CLUL1: variants seen among roughly 807,000 people sequenced by gnomAD.
CLUL1 encodes clusterin-like protein 1.
CLUL1 carries 43 observed loss-of-function variants against 49.4 expected under a neutral mutation model. The observed-to-expected ratio is 0.87, with a 90% CI of 0.68 to 1.12. The LOEUF is 1.12. Among genes scored for constraint, CLUL1 ranks in the 50% most tolerant of loss-of-function variants. CLUL1 has a pLI of 0.00. For missense variants in CLUL1, 486 were observed against 544.4 expected, an observed-to-expected ratio of 0.89 and a Z score of 1.07; for synonymous variants, 192 against 184.9, an observed-to-expected ratio of 1.04 and a Z score of -0.31.
intron 2 of CLUL1, chr18:616,776 A>G (rs1419061157): frequency 4.8e-6 from 4 of 831,144 alleles, no homozygotes; most frequent in Admixed American, 6.2e-5. Flanking sequence ...TAAATACACT[A>G]TATTAATAAG....
At chr18:625,555 ACACACC>A (rs1182576326) in intron 5 of CLUL1, among the ~76,000 whole-genome samples, 1 of 110,788 alleles carries the variant, frequency 9.0e-6, no homozygotes, top group East Asian at 3.0e-4. Context: ...ACACACACAC[ACACACC>A]CCTTCATGTC....
At chr18:646,497 GACACACACACACACACAC>G (rs56076402) in intron 9 of CLUL1, among the ~76,000 whole-genome samples, 5 of 141,274 alleles carry the variant, frequency 3.5e-5, no homozygotes, top group African/African-American at 1.1e-4. Flanking sequence ...CAGATAGATA[GACACACACACACACACAC>G]ACACACACAC....
chr18:630,404 C>T (rs546101383), intron 6 of CLUL1, among the ~76,000 whole-genome samples: 23 of 152,162 alleles, frequency 1.5e-4, no homozygotes, highest in Admixed American at 2.6e-4. Context: ...CCATCATGCC[C>T]GGCCTCAACT....
At chr18:632,448 T>C (rs912549432) in intron 6 of CLUL1, among the ~76,000 whole-genome samples, 5 of 152,152 alleles carry the variant, frequency 3.3e-5, no homozygotes, top group African/African-American at 1.2e-4. Flanking sequence ...CTAATATCTT[T>C]GAAACTTCTT....
chr18:631,049 C>A (rs902187327), intron 6 of CLUL1, among the ~76,000 whole-genome samples: 2 of 152,030 alleles, frequency 1.3e-5, no homozygotes, highest in African/African-American at 4.8e-5. Context: ...CGTGTGGCAA[C>A]CTTCATGGAT....
chr18:602,941 G>A (rs979351388), intron 1 of CLUL1, among the ~76,000 whole-genome samples: 1 of 152,174 alleles, frequency 6.6e-6, no homozygotes, highest in African/African-American at 2.4e-5. Context: ...GTTTCAGGGT[G>A]GGGAAGGTCT....
intron 1 of CLUL1, among the ~76,000 whole-genome samples, chr18:603,623 G>C (rs1010511199): frequency 1.3e-5 from 2 of 152,038 alleles, no homozygotes; most frequent in African/African-American, 2.4e-5. Flanking sequence ...AACCCATAGA[G>C]CTTATTCAGA....
chr18:620,393 G>C (rs1050910936), intron 4 of CLUL1, among the ~76,000 whole-genome samples: 9 of 150,296 alleles, frequency 6.0e-5, no homozygotes, highest in African/African-American at 2.2e-4. Context: ...ATCTTGTTAA[G>C]CCTCCTGTCC....
At chr18:644,701 G>T (rs1156325683) in intron 8 of CLUL1, among the ~76,000 whole-genome samples, 1 of 152,188 alleles carries the variant, frequency 6.6e-6, no homozygotes, top group South Asian at 2.1e-4. Flanking sequence ...TGCCTACCAG[G>T]CTTCTCAGTG....
intron 3 of CLUL1, 79 bp from the exon 4 acceptor site, chr18:619,134 G>T: frequency 7.4e-7 from 1 of 1,350,062 alleles, no homozygotes; most frequent in South Asian, 1.4e-5. Context: ...CCTCTCTTTT[G>T]GAGACATGAA....
chr18:645,123 G>T (rs753456939), intron 9 of CLUL1, 26 bp downstream of exon 9: 1 of 1,514,384 alleles, frequency 6.6e-7, no homozygotes, highest in Non-Finnish European at 8.9e-7. Flanking sequence ...GGTTAGGAAT[G>T]CCTTGTTGAC....
At chr18:638,992 TATTA>T (rs1210316031) in intron 7 of CLUL1, among the ~76,000 whole-genome samples, 1 of 152,212 alleles carries the variant, frequency 6.6e-6, no homozygotes, top group East Asian at 1.9e-4. Context: ...TTGAATTTAG[TATTA>T]ATTATTTCCT....
At chr18:597,345 G>A (rs1333750882) in intron 1 of CLUL1, among the ~76,000 whole-genome samples, 2 of 152,206 alleles carry the variant, frequency 1.3e-5, no homozygotes, top group Non-Finnish European at 2.9e-5. Context: ...AATCTCCTGG[G>A]CTGTTCCAAT....
chr18:646,547 C>G (rs1377511467), intron 9 of CLUL1, among the ~76,000 whole-genome samples: 2 of 145,306 alleles, frequency 1.4e-5, no homozygotes, highest in African/African-American at 5.1e-5. Context: ...CACTATAAAG[C>G]AAGGCAAGAT....
intron 2 of CLUL1, among the ~76,000 whole-genome samples, chr18:607,853 C>G (rs931430832): frequency 6.6e-6 from 1 of 152,194 alleles, no homozygotes; most frequent in East Asian, 1.9e-4. Flanking sequence ...CAGGCACACA[C>G]TGCCACCACT....
In CLUL1 at chr18:626,810, G is replaced by A. The variant is rs191769072; in HGVS notation, c.424-287G>A. On this transcript the variant is annotated intron_variant, in intron 5 of 9. Transcript: ENST00000692774. Reference sequence around the variant, plus strand: ...CAGGAGGCGGAGGTTGCAGTGAGCCGAGATGGTGCCATTGCACTCCAGCCT... The same window carrying A: ...CAGGAGGCGGAGGTTGCAGTGAGCCAAGATGGTGCCATTGCACTCCAGCCT... 8.5e-4 allele frequency among the ~76,000 whole-genome samples: 124 copies of A among 146,058 alleles called. No individual in the cohort carries two copies. In the East Asian group the frequency reaches 0.019, roughly 22 times the overall value.
chr18:599,329 C>T (rs997182776), intron 1 of CLUL1, among the ~76,000 whole-genome samples: 8 of 152,090 alleles, frequency 5.3e-5, no homozygotes, highest in Non-Finnish European at 1.2e-4. Context: ...CTCTATGATC[C>T]TTATCTTATT....
rs1170591705 is a variant in CLUL1 at position 627,423 on chromosome 18, C to G, written c.750C>G (p.Asn250Lys). ...ADLEQCWDIPNFFQLFCNFSV... is the reference protein window; with the variant it reads ...ADLEQCWDIPKFFQLFCNFSV... ...TTGAGCAATGTTGGGACATTCCCAA[C>G]TTCTTCCAGCTGTTTTGTAATTTCA... is the stretch of plus-strand genomic sequence containing the variant. The change falls in exon 6 of 10, where the codon AAC becomes AAG. Residue 250 changes from asparagine to lysine, a missense_variant. Asn to Lys is a moderately conservative substitution (Grantham distance 94). Coordinates refer to ENST00000692774, the MANE Select transcript of CLUL1 (RefSeq NM_001393344.1). 4 of 1,613,944 alleles carry G rather than the reference C, an allele frequency of 2.5e-6. No individual in the cohort carries two copies. Among genetic ancestry groups the G allele is most frequent in the Non-Finnish European group, 3.4e-6 (4 of 1,179,936 alleles).
At chr18:630,959 T>C (rs982848052) in intron 6 of CLUL1, among the ~76,000 whole-genome samples, 3 of 152,086 alleles carry the variant, frequency 2.0e-5, no homozygotes, top group African/African-American at 7.2e-5. Context: ...GAATTTGTGC[T>C]GTTTCAAGCC....
Sources: allele counts gnomAD v4.1 joint callset (sites outside exome capture counted in the v4.1 genomes callset), GRCh38; gene constraint gnomAD v4.1.1; transcripts MANE v1.5; gene names NCBI Gene and HGNC (gene_info 2026-07-23, HGNC 2026-07-21).